The following GNAI1 variants were observed in gnomAD, a reference collection of about 807,000 sequenced individuals.
GNAI1 encodes G protein subunit alpha i1.
In GNAI1, 11 loss-of-function variants were observed where a neutral mutation model predicts 38.9. That is an observed-to-expected ratio of 0.28 (90% CI 0.18 to 0.47). GNAI1 has a LOEUF of 0.47. GNAI1 is among the 20% of genes least tolerant of loss of function. The pLI is 0.99. For missense variants in GNAI1, 317 were observed against 436.9 expected, an observed-to-expected ratio of 0.73 and a Z score of 2.45; for synonymous variants, 166 against 145.1, an observed-to-expected ratio of 1.14 and a Z score of -1.04.
At chr7:80,135,441 C>T (rs1245567386) in intron 1 of GNAI1, 163 bp downstream of exon 1, 7 of 431,246 alleles carry the variant, frequency 1.6e-5, no homozygotes, top group Admixed American at 8.8e-5. Flanking sequence ...GGGTCCCCCT[C>T]TCCCGGTGTC....
At chr7:80,200,194 C>T (rs1003227191) in intron 4 of GNAI1, among the ~76,000 whole-genome samples, 1 of 151,484 alleles carries the variant, frequency 6.6e-6, no homozygotes, top group Non-Finnish European at 1.5e-5. Context: ...CATGATGGTG[C>T]ACACGTGTGG....
chr7:80,174,346 A>G (rs1788146068), intron 1 of GNAI1, among the ~76,000 whole-genome samples: 1 of 151,710 alleles, frequency 6.6e-6, no homozygotes, highest in Non-Finnish European at 1.5e-5. Flanking sequence ...TCTTCAATGT[A>G]ATTTTTCCCT....
chr7:80,138,023 G>T (rs1405507868), intron 1 of GNAI1, among the ~76,000 whole-genome samples: 1 of 152,112 alleles, frequency 6.6e-6, no homozygotes, highest in African/African-American at 2.4e-5. Flanking sequence ...GTAAAACACG[G>T]CAGTAGAATA....
Position 80,151,222 on chromosome 7 carries a change from T to C in GNAI1, c.118+15944T>C, listed in dbSNP as rs572784222. Among the ~76,000 whole-genome samples, 4 of 152,338 alleles carry C rather than the reference T, an allele frequency of 2.6e-5. No individual in the cohort carries two copies. The South Asian group carries it at 8.3e-4, about 32-fold the overall frequency. On this transcript the variant is annotated intron_variant, in intron 1 of 7. Transcript: ENST00000649796. The stretch of plus-strand genomic sequence containing the variant: ...TTCCAGTCCTGCCCAGGCATGTTCA[T>C]GAGCAGAGTTTGGGAGAACTTTTTT...
At chr7:80,167,195 A>G (rs1271152453) in intron 1 of GNAI1, among the ~76,000 whole-genome samples, 3 of 152,256 alleles carry the variant, frequency 2.0e-5, no homozygotes, top group Non-Finnish European at 4.4e-5. Context: ...TCTCTGACTA[A>G]TGGACATCCA....
chr7:80,202,540 A>G (rs1032386533), intron 4 of GNAI1, among the ~76,000 whole-genome samples: 1 of 152,252 alleles, frequency 6.6e-6, no homozygotes, highest in African/African-American at 2.4e-5. Flanking sequence ...AACATTTAGA[A>G]TTAAAAGCAC....
chr7:80,199,395 A>T lies in GNAI1; in HGVS notation c.461+13A>T. ...ATTCTGCAGCATAGTAAGTAATCAT[A>T]ACTTCAGAACTAAACTATCATGAAT... On this transcript the variant is annotated intron_variant, in intron 4 of 7. Transcript: ENST00000649796. 1.9e-6 allele frequency: 3 copies of T among 1,560,976 alleles called. No homozygotes were observed. Among genetic ancestry groups the T allele is most frequent in the Non-Finnish European group, 2.6e-6 (3 of 1,145,268 alleles).
chr7:80,143,938 C>G (rs894053324), intron 1 of GNAI1, among the ~76,000 whole-genome samples: 33 of 116,466 alleles, frequency 2.8e-4, no homozygotes, highest in Admixed American at 2.4e-3. Context: ...GTGTGTGTAT[C>G]TATATGTGTG....
At chr7:80,141,058 C>A (rs747279426) in intron 1 of GNAI1, among the ~76,000 whole-genome samples, 2 of 152,198 alleles carry the variant, frequency 1.3e-5, no homozygotes, top group African/African-American at 2.4e-5. Context: ...ATTGGGCCCA[C>A]CCACATAATC....
chr7:80,172,109 A>C (rs386484188), intron 1 of GNAI1, among the ~76,000 whole-genome samples: 1 of 152,266 alleles, frequency 6.6e-6, no homozygotes, highest in Non-Finnish European at 1.5e-5. Context: ...CATGTTATTT[A>C]ACTTTGACTA....
At chr7:80,184,340 A>G (rs62462668) in intron 1 of GNAI1, among the ~76,000 whole-genome samples, 14,563 of 152,172 alleles carry the variant, frequency 0.096, 730 homozygotes, top group Non-Finnish European at 0.1. Flanking sequence ...GAGGTTTTAT[A>G]CATTGGTACG....
At chr7:80,168,252 G>A (rs991028878) in intron 1 of GNAI1, among the ~76,000 whole-genome samples, 4 of 152,012 alleles carry the variant, frequency 2.6e-5, no homozygotes, top group South Asian at 2.1e-4. Context: ...TCATTTACTC[G>A]GTTTTTAAAA....
At chr7:80,204,574 A>G (rs370512185) in intron 5 of GNAI1, among the ~76,000 whole-genome samples, 2 of 152,290 alleles carry the variant, frequency 1.3e-5, no homozygotes, top group African/African-American at 4.8e-5. Flanking sequence ...ACACAACGAA[A>G]TATAATGTTT....
intron 1 of GNAI1, among the ~76,000 whole-genome samples, chr7:80,136,772 G>A (rs1447502578): frequency 6.6e-6 from 1 of 152,116 alleles, no homozygotes; most frequent in African/African-American, 2.4e-5. Flanking sequence ...GTGTATTTCT[G>A]TGTGACTCTT....
intron 1 of GNAI1, among the ~76,000 whole-genome samples, chr7:80,179,297 C>T (rs1454965539): frequency 6.6e-6 from 1 of 152,124 alleles, no homozygotes; most frequent in East Asian, 1.9e-4. Context: ...ATTGTTAAAA[C>T]ACAGATTACT....
chr7:80,176,131 G>A (rs1788178098), intron 1 of GNAI1, among the ~76,000 whole-genome samples: 1 of 152,216 alleles, frequency 6.6e-6, no homozygotes, highest in South Asian at 2.1e-4. Flanking sequence ...CTACTGCAAT[G>A]GACACACGAA....
At chr7:80,212,298 A>T (rs1788888682) in intron 6 of GNAI1, among the ~76,000 whole-genome samples, 1 of 152,292 alleles carries the variant, frequency 6.6e-6, no homozygotes, top group South Asian at 2.1e-4. Context: ...TATTTAGAGT[A>T]TTGGGCTAAT....
At chr7:80,211,584 G>A (rs561072831) in intron 6 of GNAI1, among the ~76,000 whole-genome samples, 2 of 151,836 alleles carry the variant, frequency 1.3e-5, no homozygotes, top group Non-Finnish European at 2.9e-5. Context: ...ACACCCAGCT[G>A]ATTTTTGTAT....
chr7:80,169,417 A>C (rs546969746), intron 1 of GNAI1, among the ~76,000 whole-genome samples: 2 of 152,306 alleles, frequency 1.3e-5, no homozygotes, highest in African/African-American at 4.8e-5. Context: ...CTATTAGGTA[A>C]AATCTTTGGA....
Sources: gnomAD v4.1 joint callset for allele counts (sites outside exome capture counted in the v4.1 genomes callset) on GRCh38, gnomAD v4.1.1 for gene constraint, MANE v1.5 for transcripts, NCBI Gene and HGNC (gene_info 2026-07-23, HGNC 2026-07-21) for gene names.